TRPC6: variants seen among roughly 807,000 people sequenced by gnomAD.
TRPC6 encodes transient receptor potential cation channel subfamily C member 6, also known as short transient receptor potential channel 6.
TRPC6 carries 55 observed loss-of-function variants against 90.7 expected under a neutral mutation model. That is an observed-to-expected ratio of 0.61 (90% confidence interval 0.49 to 0.76). TRPC6 has a LOEUF of 0.76. Among genes scored for constraint, TRPC6 ranks in the 30% least tolerant of loss-of-function variants. TRPC6 has a pLI of 0.00. For synonymous variants in TRPC6, 393 were observed against 393.0 expected, an observed-to-expected ratio of 1.00 and a Z score of 0.00; for missense variants, 989 against 1,122.7, an observed-to-expected ratio of 0.88 and a Z score of 1.70.
chr11:101,514,705 A>T (rs981958650), intron 1 of TRPC6, among the ~76,000 whole-genome samples: 1 of 152,160 alleles, frequency 6.6e-6, no homozygotes, highest in Non-Finnish European at 1.5e-5. Flanking sequence ...TAATTCCTTA[A>T]CAACTCAGGA....
At chr11:101,459,358 G>A (rs1250107971) in intron 10 of TRPC6, among the ~76,000 whole-genome samples, 1 of 152,158 alleles carries the variant, frequency 6.6e-6, no homozygotes, top group Non-Finnish European at 1.5e-5. Flanking sequence ...ACAGGGAACG[G>A]CACATCTCTG....
intron 10 of TRPC6, 33 bp downstream of exon 10, chr11:101,469,394 T>C: frequency 2.7e-6 from 2 of 751,788 alleles, no homozygotes; most frequent in Non-Finnish European, 5.0e-6. Flanking sequence ...CCCGATCATG[T>C]GCATGACTTC....
intron 2 of TRPC6, among the ~76,000 whole-genome samples, chr11:101,494,374 A>G (rs190268968): frequency 1.3e-4 from 20 of 152,290 alleles, no homozygotes; most frequent in Admixed American, 3.3e-4. Flanking sequence ...AGTATTAAAG[A>G]GATTATGCAT....
chr11:101,530,098 T>C (rs985268925), intron 1 of TRPC6, among the ~76,000 whole-genome samples: 1 of 152,068 alleles, frequency 6.6e-6, no homozygotes, highest in Admixed American at 6.5e-5. Context: ...TAGCCCCTCA[T>C]CTAGTCTGAG....
At chr11:101,550,736 A>G (rs1314891622) in intron 1 of TRPC6, among the ~76,000 whole-genome samples, 1 of 151,718 alleles carries the variant, frequency 6.6e-6, no homozygotes, top group Non-Finnish European at 1.5e-5. Flanking sequence ...TACACACAAC[A>G]TGGAGAGTAT....
intron 1 of TRPC6, among the ~76,000 whole-genome samples, chr11:101,563,191 C>G (rs117640116): frequency 2.6e-5 from 4 of 152,300 alleles, no homozygotes; most frequent in African/African-American, 9.6e-5. Context: ...ATAATGAACA[C>G]GTCCACCACT....
At chr11:101,488,527 C>T (rs1226878466) in intron 4 of TRPC6, among the ~76,000 whole-genome samples, 1 of 151,996 alleles carries the variant, frequency 6.6e-6, no homozygotes, top group Non-Finnish European at 1.5e-5. Flanking sequence ...AGAGGAGAAA[C>T]AGAAAAAGTG....
At chr11:101,576,795 G>C (rs2044053646) in intron 1 of TRPC6, among the ~76,000 whole-genome samples, 1 of 152,138 alleles carries the variant, frequency 6.6e-6, no homozygotes, top group African/African-American at 2.4e-5. Context: ...AGCATAAACT[G>C]TCTAGAGAAA....
chr11:101,516,830 C>T (rs1860534348), intron 1 of TRPC6, among the ~76,000 whole-genome samples: 1 of 152,230 alleles, frequency 6.6e-6, no homozygotes, highest in Non-Finnish European at 1.5e-5. Flanking sequence ...GCATCTGCTG[C>T]TGTCTACTCT....
chr11:101,540,553 T>G (rs912884987), intron 1 of TRPC6, among the ~76,000 whole-genome samples: 4 of 152,170 alleles, frequency 2.6e-5, no homozygotes, highest in Non-Finnish European at 4.4e-5. Context: ...TTATATGTAA[T>G]GTAAAGAGAC....
intron 1 of TRPC6, among the ~76,000 whole-genome samples, chr11:101,534,646 C>A (rs1422676821): frequency 6.6e-6 from 1 of 151,220 alleles, no homozygotes; most frequent in Non-Finnish European, 1.5e-5. Flanking sequence ...TCCATATATT[C>A]CTAATTAAAA....
intron 1 of TRPC6, among the ~76,000 whole-genome samples, chr11:101,531,357 T>C (rs986325755): frequency 1.3e-5 from 2 of 152,222 alleles, no homozygotes; most frequent in Admixed American, 6.5e-5. Flanking sequence ...CTTGGTAGCA[T>C]AGCTGCTTAC....
rs1208889526 is a variant in TRPC6 at position 101,453,120 on chromosome 11, A to C, written c.2645-14T>G. On this transcript the variant is annotated splice_polypyrimidine_tract_variant and intron_variant, in intron 12 of 12. Coordinates refer to ENST00000344327, the MANE Select transcript of TRPC6 (RefSeq NM_004621.6). ...CCTTCAGTTCCCCTTTGAAAGCAAG[A>C]GTGATAAGAAGTCAACTATAAATAC... 6.3e-7 allele frequency: 1 copy of C among 1,592,136 alleles called. No homozygotes were observed. The highest frequency in any genetic ancestry group is 1.7e-5 in the Admixed American group (1 of 59,058).
intron 10 of TRPC6, among the ~76,000 whole-genome samples, chr11:101,466,692 G>A (rs1565446582): frequency 6.6e-6 from 1 of 152,194 alleles, no homozygotes; most frequent in Non-Finnish European, 1.5e-5. Context: ...CCTGGCTTCA[G>A]CCCCCTTTCC....
At chr11:101,560,683 C>T (rs979338728) in intron 1 of TRPC6, among the ~76,000 whole-genome samples, 27 of 151,836 alleles carry the variant, frequency 1.8e-4, no homozygotes, top group Non-Finnish European at 5.9e-5. Flanking sequence ...CTGCCCAGAA[C>T]ATTATGAGAG....
chr11:101,472,466 T>C (rs1398763050), intron 7 of TRPC6, 134 bp from the exon 8 acceptor site: 15 of 803,952 alleles, frequency 1.9e-5, no homozygotes, highest in Non-Finnish European at 2.9e-5. Flanking sequence ...TCTCTGAAGC[T>C]CACTTTTCTT....
At chr11:101,518,315 G>C (rs562984639) in intron 1 of TRPC6, among the ~76,000 whole-genome samples, 1 of 151,860 alleles carries the variant, frequency 6.6e-6, no homozygotes, top group East Asian at 1.9e-4. Flanking sequence ...TTAATAACCA[G>C]AATATATAAA....
chr11:101,490,367 G>A (rs568764624), intron 3 of TRPC6, among the ~76,000 whole-genome samples: 1 of 152,270 alleles, frequency 6.6e-6, no homozygotes, highest in East Asian at 1.9e-4. Flanking sequence ...AAATTGGGAG[G>A]AGACATGTTT....
chr11:101,505,661 G>A (rs1860245084), intron 1 of TRPC6, among the ~76,000 whole-genome samples: 1 of 152,124 alleles, frequency 6.6e-6, no homozygotes, highest in East Asian at 1.9e-4. Context: ...ACACTTCTAT[G>A]GTGCAGGCAG....
Sources: allele counts gnomAD v4.1 joint callset (sites outside exome capture counted in the v4.1 genomes callset), GRCh38; gene constraint gnomAD v4.1.1; transcripts MANE v1.5; gene names NCBI Gene and HGNC (gene_info 2026-07-23, HGNC 2026-07-21).